Variants in RBFOX3 observed in about 807,000 individuals in gnomAD.
RBFOX3 encodes RNA binding fox-1 homolog 3.
Under a neutral mutation model 48.7 loss-of-function variants are expected in RBFOX3, and 17 were observed. That is an observed-to-expected ratio of 0.35 (90% CI 0.24 to 0.52). The LOEUF (loss-of-function observed/expected upper bound fraction) is 0.52. Among genes scored for constraint, RBFOX3 ranks in the 20% least tolerant of loss-of-function variants. The probability of loss-of-function intolerance (pLI) is 0.94; values close to 1 mark genes in which losing one functional copy is unlikely to be tolerated. For missense variants in RBFOX3, 382 were observed against 497.5 expected (o/e 0.77, Z 2.21); for synonymous variants, 212 against 209.5 (o/e 1.01, Z -0.10).
chr17:79,310,542 C>T (rs2076703694), intron 2 of RBFOX3, among the ~76,000 whole-genome samples: 1 of 152,136 alleles, frequency 6.6e-6, no homozygotes, highest in Non-Finnish European at 1.5e-5. Flanking sequence ...CCCCGTCCTG[C>T]TTCTAGGACA....
At chr17:79,394,527 C>G (rs1337057485) in intron 2 of RBFOX3, among the ~76,000 whole-genome samples, 1 of 152,232 alleles carries the variant, frequency 6.6e-6, no homozygotes, top group African/African-American at 2.4e-5. Flanking sequence ...AAGGGCCTGT[C>G]CTTCTCCATC....
intron 2 of RBFOX3, among the ~76,000 whole-genome samples, chr17:79,429,850 C>T (rs72853543): frequency 0.22 from 33,832 of 152,156 alleles, 4,669 homozygotes; most frequent in Non-Finnish European, 0.3. Flanking sequence ...AAGGGGAGGG[C>T]TTGCAGCCTT....
intron 2 of RBFOX3, among the ~76,000 whole-genome samples, chr17:79,400,240 C>A (rs923302069): frequency 6.6e-6 from 1 of 152,120 alleles, no homozygotes; most frequent in Admixed American, 6.5e-5. Flanking sequence ...GAGCCCCAAA[C>A]CAAGGGGTCA....
Position 79,115,481 on chromosome 17 carries a change from T to C in RBFOX3, c.222+13A>G, listed in dbSNP as rs1321419714. 3 of 1,311,464 alleles carry C rather than the reference T, an allele frequency of 2.3e-6. No homozygotes were observed. The highest frequency in any genetic ancestry group is 7.5e-5 in the Admixed American group (2 of 26,492). The allele number at this position is 1,311,464 out of a possible 1,614,324, so 81.2% of individuals were successfully genotyped here. On this transcript the variant is annotated intron_variant, in intron 5 of 14. Transcript: ENST00000693108. ...AGCTCCAGGGCTGGGCCTGGGGTCGTGGGGGCCCTTACCGGCACTGTCTGG... is the reference window on the plus strand; with the variant it reads ...AGCTCCAGGGCTGGGCCTGGGGTCGCGGGGGCCCTTACCGGCACTGTCTGG...
At chr17:79,140,128 G>A (rs533548554) in intron 4 of RBFOX3, among the ~76,000 whole-genome samples, 1 of 152,240 alleles carries the variant, frequency 6.6e-6, no homozygotes, top group Non-Finnish European at 1.5e-5. Flanking sequence ...AGCCTCGCAT[G>A]TCATTGACCA....
intron 4 of RBFOX3, among the ~76,000 whole-genome samples, chr17:79,149,872 G>A (rs1248076903): frequency 1.3e-5 from 2 of 149,376 alleles, no homozygotes; most frequent in South Asian, 4.3e-4. Flanking sequence ...TCCTCCTCTG[G>A]GGCCTGGAGA....
intron 4 of RBFOX3, among the ~76,000 whole-genome samples, chr17:79,165,171 GCA>G (rs1271112704): frequency 6.6e-6 from 1 of 152,162 alleles, no homozygotes; most frequent in Non-Finnish European, 1.5e-5. Flanking sequence ...GCATCTTCCT[GCA>G]CAGCCCTCTG....
intron 1 of RBFOX3, among the ~76,000 whole-genome samples, chr17:79,556,213 C>T (rs2091744113): frequency 6.6e-6 from 1 of 152,224 alleles, no homozygotes; most frequent in Non-Finnish European, 1.5e-5. Context: ...CCAAGCTGGT[C>T]TCCACTCCTC....
Position 79,115,524 on chromosome 17 carries a change from T to C in RBFOX3, c.192A>G (p.Thr64=). Residue 64 remains threonine, a synonymous_variant, in exon 5 of 15, where the codon ACA becomes ACG. Coordinates refer to ENST00000693108, the MANE Select transcript of RBFOX3 (RefSeq NM_001350451.2). ...HPEQPGSEAS[T]QPIAGTQTVP... ...CTGTCTGGGTCCCGGCGATGGGCTG[T>C]GTGCTGGCCTCGGAGCCTGGCTGCT... 7.5e-7 allele frequency: 1 copy of C among 1,340,362 alleles called. No homozygotes were observed. 83.0% of individuals were successfully genotyped at this position (1,340,362 alleles called of 1,614,324 possible).
chr17:79,261,854 C>G (rs2065839961), intron 3 of RBFOX3, among the ~76,000 whole-genome samples: 1 of 152,202 alleles, frequency 6.6e-6, no homozygotes, highest in Non-Finnish European at 1.5e-5. Flanking sequence ...TCTGATGGAA[C>G]CCGAAGAGGG....
intron 4 of RBFOX3, among the ~76,000 whole-genome samples, chr17:79,123,875 C>T (rs9915458): frequency 0.032 from 4,891 of 152,246 alleles, 105 homozygotes; most frequent in Middle Eastern, 0.082. Flanking sequence ...TCCACTGCCT[C>T]GCGGCCATCA....
chr17:79,534,882 C>T (rs1555788343), intron 1 of RBFOX3, among the ~76,000 whole-genome samples: 2 of 152,170 alleles, frequency 1.3e-5, no homozygotes, highest in Non-Finnish European at 2.9e-5. Flanking sequence ...CCTCGGAAGT[C>T]GGTTTGACAA....
At position 79,097,311 on chromosome 17, in the gene RBFOX3, G is replaced by C. The variant is rs866383096; in HGVS notation, c.736C>G (p.Pro246Ala). The C allele has an allele frequency of 3.5e-5, 54 of 1,544,608 alleles. No homozygotes were observed. The highest frequency in any genetic ancestry group is 4.6e-5 in the Non-Finnish European group (53 of 1,143,544). ...ACTCACGCTCCGTAAGTCGGGATGG[G>C]GGGTGGGGGTGGCGCAGCCCGAAAT... ...NTFRAAPPPPPIPTYGAALEQ... is the reference protein window; with the variant it reads ...NTFRAAPPPPAIPTYGAALEQ... Residue 246 changes from proline (P) to alanine (A), a missense_variant, in exon 11 of 15, where the codon CCC (proline) becomes GCC (alanine). Transcript: ENST00000693108.
At chr17:79,521,199 G>C (rs2086016900) in intron 1 of RBFOX3, among the ~76,000 whole-genome samples, 1 of 151,244 alleles carries the variant, frequency 6.6e-6, no homozygotes, top group African/African-American at 2.4e-5. Flanking sequence ...GACACACACA[G>C]ATACACACTC....
intron 1 of RBFOX3, among the ~76,000 whole-genome samples, chr17:79,608,517 C>T (rs2093889157): frequency 6.6e-6 from 1 of 152,166 alleles, no homozygotes; most frequent in South Asian, 2.1e-4. Flanking sequence ...GGACAACTCA[C>T]CCCAGAAAAC....
intron 2 of RBFOX3, among the ~76,000 whole-genome samples, chr17:79,462,936 T>C (rs2075575693): frequency 6.6e-6 from 1 of 152,134 alleles, no homozygotes; most frequent in Admixed American, 6.5e-5. Flanking sequence ...GAGAAGCCTC[T>C]TTGAGCATCG....
intron 2 of RBFOX3, among the ~76,000 whole-genome samples, chr17:79,457,228 G>T (rs781793730): frequency 2.0e-5 from 3 of 152,190 alleles, no homozygotes; most frequent in African/African-American, 4.8e-5. Flanking sequence ...GTTGATGGTC[G>T]GACGGATGAG....
intron 2 of RBFOX3, among the ~76,000 whole-genome samples, chr17:79,366,645 C>T (rs764951711): frequency 1.6e-4 from 24 of 152,212 alleles, no homozygotes; most frequent in South Asian, 4.1e-4. Context: ...CCAGCCGCCT[C>T]GCCGCCAGCC....
the RBFOX3 span, among the ~76,000 whole-genome samples, chr17:79,642,674 T>C: frequency 6.6e-6 from 1 of 152,058 alleles, no homozygotes; most frequent in Non-Finnish European, 1.5e-5. Flanking sequence ...AAAGCTAATA[T>C]ATAAATTAAA....
Sources: allele counts gnomAD v4.1 joint callset (sites outside exome capture counted in the v4.1 genomes callset), GRCh38; gene constraint gnomAD v4.1.1; transcripts MANE v1.5; gene names NCBI Gene and HGNC (gene_info 2026-07-23, HGNC 2026-07-21).